UBR2: variants seen among roughly 807,000 people sequenced by gnomAD.
UBR2 encodes the protein ubiquitin protein ligase E3 component n-recognin 2.
Under a neutral mutation model 247.9 loss-of-function variants are expected in UBR2, and 92 were observed. The ratio of observed to expected loss-of-function variants is 0.37; its 90% CI spans 0.31 to 0.44. The LOEUF is 0.44. Among genes scored for constraint, UBR2 ranks in the 20% least tolerant of loss-of-function variants. UBR2 has a pLI of 1.00. For missense variants in UBR2, 1,613 were observed against 2,112.6 expected, an observed-to-expected ratio of 0.76 and a Z score of 4.64; for synonymous variants, 672 against 693.5, an observed-to-expected ratio of 0.97 and a Z score of 0.49.
chr6:42,681,557 C>T (rs751482511), intron 42 of UBR2, among the ~76,000 whole-genome samples: 1 of 149,844 alleles, frequency 6.7e-6, no homozygotes, highest in Non-Finnish European at 1.5e-5. Context: ...ACTTCACACC[C>T]ATTAGGTGAG....
At chr6:42,687,478 G>GGGGAGAGGGAGAGAAGAGA (rs1367291623) in intron 44 of UBR2, among the ~76,000 whole-genome samples, 4 of 152,298 alleles carry the variant, frequency 2.6e-5, no homozygotes, top group South Asian at 4.1e-4. Context: ...ACTGTGCAAA[G>GGGGAGAGGGAGAGAAGAGA]GGGAGAGGGA....
chr6:42,592,000 G>C lies in UBR2; in HGVS notation c.339-151G>C. On this transcript the variant is annotated intron_variant, in intron 2 of 46. Coordinates refer to ENST00000372901, the MANE Select transcript of UBR2 (RefSeq NM_001363705.2). Reference sequence around the variant, plus strand: ...AACTGCTTTCATTGATCAAAGATCTGACAGATCTTTGGGAATGATACTTCC... The same window carrying C: ...AACTGCTTTCATTGATCAAAGATCTCACAGATCTTTGGGAATGATACTTCC... 6 of 706,910 alleles carry C rather than the reference G, an allele frequency of 8.5e-6. No homozygotes were observed. The South Asian group carries it at 9.8e-5, about 12-fold the overall frequency. The allele number at this position is 706,910 out of a possible 1,614,324, so 43.8% of individuals were successfully genotyped here.
intron 11 of UBR2, among the ~76,000 whole-genome samples, chr6:42,630,251 C>G (rs561588577): frequency 1.8e-4 from 27 of 150,548 alleles, no homozygotes; most frequent in Admixed American, 6.6e-4. Flanking sequence ...ATGGCATGAT[C>G]TCGGTTCACT....
At chr6:42,677,754 G>T (rs1359977402) in intron 40 of UBR2, among the ~76,000 whole-genome samples, 1 of 152,174 alleles carries the variant, frequency 6.6e-6, no homozygotes, top group African/African-American at 2.4e-5. Context: ...CTGGACAAAA[G>T]AGTGAGACCC....
At chr6:42,582,971 T>C (rs1452430559) in intron 2 of UBR2, among the ~76,000 whole-genome samples, 1 of 152,196 alleles carries the variant, frequency 6.6e-6, no homozygotes, top group Non-Finnish European at 1.5e-5. Flanking sequence ...TGTGAAGTTA[T>C]TGTTAAGGTC....
At chr6:42,637,407 G>A (rs552789641) in intron 15 of UBR2, among the ~76,000 whole-genome samples, 1 of 152,276 alleles carries the variant, frequency 6.6e-6, no homozygotes, top group South Asian at 2.1e-4. Flanking sequence ...GACTTGCTTA[G>A]TAAGTCACAC....
chr6:42,631,802 CTT>C (rs1795726584), intron 11 of UBR2, among the ~76,000 whole-genome samples: 2 of 145,296 alleles, frequency 1.4e-5, no homozygotes, highest in Admixed American at 7.0e-5. Flanking sequence ...TTAATACACA[CTT>C]TATGTATTTA....
chr6:42,659,905 T>C lies in UBR2; in HGVS notation c.3442+50T>C. On this transcript the variant is annotated intron_variant, in intron 30 of 46. Transcript: ENST00000372901. This position sits in a 1 kb window ranked among gnomAD's most constrained non-coding sequence, Gnocchi z 4.3. The stretch of plus-strand genomic sequence containing the variant: ...TTCCCTTTTAATAACAACTGCCAGT[T>C]AATGTGGTTGGTGATACGTTGAGAT... 1 of 1,564,594 alleles carries C rather than the reference T, an allele frequency of 6.4e-7. No individual in the cohort carries two copies. Among genetic ancestry groups the C allele is most frequent in the Non-Finnish European group, 8.8e-7 (1 of 1,138,348 alleles).
intron 2 of UBR2, among the ~76,000 whole-genome samples, chr6:42,574,838 G>A (rs752758857): frequency 4.6e-5 from 7 of 152,040 alleles, no homozygotes; most frequent in Non-Finnish European, 1.0e-4. Context: ...TGGGATTACA[G>A]GCTTAGCCCA....
intron 1 of UBR2, among the ~76,000 whole-genome samples, chr6:42,572,942 T>TCA: frequency 6.6e-6 from 1 of 152,092 alleles, no homozygotes; most frequent in African/African-American, 2.4e-5. Context: ...TGACCTCAGG[T>TCA]GATCTGCTTG....
At position 42,569,652 on chromosome 6, in the gene UBR2, A is replaced by G. The variant is rs374092264; in HGVS notation, c.79-4082A>G. Among the ~76,000 whole-genome samples, 3 of 152,330 alleles carry G rather than the reference A, an allele frequency of 2.0e-5. No homozygotes were observed. The East Asian group carries it at 5.8e-4, about 29-fold the overall frequency. The stretch of plus-strand genomic sequence containing the variant: ...TTTATGATTAACTTACATGTTGCTT[A>G]TCCTTGTTTGAAAGCAAAACCAAAA... On this transcript the variant is annotated intron_variant, in intron 1 of 46. Transcript: ENST00000372901.
chr6:42,632,856 G>T lies in UBR2; in HGVS notation c.1497G>T (p.Lys499Asn). ...AATGGTCAGATGAGCTGAGGCAGAA[G>T]TTCCTAGAAGGGTTTGATGCCTTTT... ...PTEWSDELRQ[K>N]FLEGFDAFLE... The change falls in exon 13 of 47, where the codon AAG (lysine) becomes AAT (asparagine). Residue 499 changes from lysine (K) to asparagine (N), a missense_variant. Physicochemically the swap from Lys to Asn is moderately conservative, Grantham distance 94 (BLOSUM62 0). Around this residue, in one of 3 missense-constraint regions of UBR2, gnomAD observed 1,524 missense variants for 1,967.3 expected, o/e 0.77. Transcript: ENST00000372901. The T allele has an allele frequency of 6.2e-7, 1 of 1,603,528 alleles. No homozygotes were observed. The highest frequency in any genetic ancestry group is 8.5e-7 in the Non-Finnish European group (1 of 1,176,462).
intron 4 of UBR2, among the ~76,000 whole-genome samples, chr6:42,602,268 T>C (rs1793430926): frequency 6.6e-6 from 1 of 150,770 alleles, no homozygotes; most frequent in African/African-American, 2.4e-5. Context: ...TGGTGCACAA[T>C]CTCCACTCAC....
chr6:42,578,972 A>AAAC, intron 2 of UBR2, among the ~76,000 whole-genome samples: 1 of 148,936 alleles, frequency 6.7e-6, no homozygotes, highest in East Asian at 2.0e-4. Context: ...CACACACACA[A>AAAC]ACACACACAC....
At chr6:42,643,109 G>T (rs892994184) in intron 18 of UBR2, among the ~76,000 whole-genome samples, 1 of 151,986 alleles carries the variant, frequency 6.6e-6, no homozygotes, top group African/African-American at 2.4e-5. Flanking sequence ...GAGGACCCTA[G>T]CATGGTATTT....
intron 2 of UBR2, among the ~76,000 whole-genome samples, chr6:42,579,845 T>G (rs909087188): frequency 6.6e-6 from 1 of 152,220 alleles, no homozygotes; most frequent in African/African-American, 2.4e-5. Context: ...ACTGTGTATA[T>G]TACACACATA....
intron 40 of UBR2, among the ~76,000 whole-genome samples, chr6:42,677,636 A>G (rs1201433011): frequency 1.3e-5 from 2 of 152,002 alleles, no homozygotes; most frequent in African/African-American, 4.8e-5. Flanking sequence ...AAAATTAGCC[A>G]GGCATGGTAG....
rs968738871 is a variant in UBR2, at chr6:42,653,499, C to G, written c.2769+854C>G. ...TTTTTCTCATTGTTAGATGAGGAAG[C>G]CAAGTTTCAATGAGGTTCCATTAAC... On this transcript the variant is annotated intron_variant, in intron 25 of 46. Coordinates refer to ENST00000372901, the MANE Select transcript of UBR2 (RefSeq NM_001363705.2). Among the ~76,000 whole-genome samples the G allele has an allele frequency of 1.3e-4, 20 of 151,834 alleles. 1 individual carries two copies.
Position 42,676,092 on chromosome 6 carries a change from C to T in UBR2, c.4288C>T (p.Gln1430Ter). 6.2e-7 allele frequency: 1 copy of T among 1,613,386 alleles called. No homozygotes were observed. The highest frequency in any genetic ancestry group is 8.5e-7 in the Non-Finnish European group (1 of 1,179,848). Residue 1430 changes from glutamine to a stop codon, truncating the protein, a stop_gained, in exon 39 of 47, where the codon CAG (glutamine) becomes TAG (stop). Coordinates refer to ENST00000372901, the MANE Select transcript of UBR2 (RefSeq NM_001363705.2). LOFTEE classifies it high-confidence loss of function. ...LVLAFPALQC[Q>*]DFSGISLGTG... ...GCTTGCATTTCCTGCGTTGCAGTGT[C>T]AGGATTTTTCAGGGATCAGCCTTGG...
Sources: gnomAD v4.1 joint callset for allele counts (sites outside exome capture counted in the v4.1 genomes callset) on GRCh38, gnomAD v4.1.1 for gene constraint, gnomAD v4.1.1 regional missense constraint, Gnocchi (gnomAD v3.1) non-coding constraint, MANE v1.5 for transcripts, NCBI Gene and HGNC (gene_info 2026-07-23, HGNC 2026-07-21) for gene names.